SLC13A1: variants seen among roughly 807,000 people sequenced by gnomAD.
SLC13A1 encodes the protein solute carrier family 13 member 1, also known as Na(+)/sulfate cotransporter.
A neutral mutation model predicts 70.0 loss-of-function variants in SLC13A1; 65 were observed. That is an observed-to-expected ratio of 0.93 (90% CI 0.76 to 1.14). The LOEUF (loss-of-function observed/expected upper bound fraction) is 1.14, where lower values mean the gene tolerates loss of function less well. Among genes scored for constraint, SLC13A1 ranks in the 50% most tolerant of loss-of-function variants. The pLI is 0.00. For missense variants in SLC13A1, 726 were observed against 717.8 expected (o/e 1.01, Z -0.13); for synonymous variants, 275 against 250.5 (o/e 1.10, Z -0.92).
Position 123,117,556 on chromosome 7 carries a change from C to T in SLC13A1, c.1565G>A (p.Cys522Tyr). ...PLYILIPSTLCTSFAFLLPVA... is the reference protein window; with the variant it reads ...PLYILIPSTLYTSFAFLLPVA... ...TGGTAGGAGGAATGCAAATGAAGTACACAGAGTAGAAGGTATCAGAATATA... is the reference window on the plus strand; with the variant it reads ...TGGTAGGAGGAATGCAAATGAAGTATACAGAGTAGAAGGTATCAGAATATA... The change falls in exon 14 of 15, where the codon TGT (cysteine) becomes TAT (tyrosine). Residue 522 changes from cysteine (C) to tyrosine (Y), a missense_variant. Coordinates refer to ENST00000194130, the MANE Select transcript of SLC13A1 (RefSeq NM_022444.4). The T allele has an allele frequency of 1.2e-6, 2 of 1,611,426 alleles. No individual in the cohort carries two copies. Among genetic ancestry groups the T allele is most frequent in the Non-Finnish European group, 1.7e-6 (2 of 1,178,302 alleles).
At chr7:123,170,128 T>A (rs950293318) in intron 3 of SLC13A1, among the ~76,000 whole-genome samples, 7 of 152,126 alleles carry the variant, frequency 4.6e-5, no homozygotes, top group African/African-American at 1.7e-4. Flanking sequence ...CTCTTTTGAG[T>A]AGGCGGGCCT....
intron 1 of SLC13A1, among the ~76,000 whole-genome samples, chr7:123,185,550 A>G (rs931943758): frequency 1.3e-5 from 2 of 151,912 alleles, no homozygotes; most frequent in African/African-American, 4.8e-5. Flanking sequence ...TCCTTTTCCC[A>G]TTGTGTGTTC....
intron 1 of SLC13A1, among the ~76,000 whole-genome samples, chr7:123,182,401 C>G (rs901052224): frequency 6.6e-6 from 1 of 152,106 alleles, no homozygotes; most frequent in Non-Finnish European, 1.5e-5. Flanking sequence ...ATCTTGCTCT[C>G]TAGTTACAAC....
Position 123,115,617 on chromosome 7 carries a change from A to G in SLC13A1, c.1689T>C (p.Ala563=). The G allele has an allele frequency of 6.2e-7, 1 of 1,613,972 alleles. No homozygotes were observed. Among genetic ancestry groups the G allele is most frequent in the Non-Finnish European group, 8.5e-7 (1 of 1,179,848 alleles). Residue 563 remains alanine (A), a synonymous_variant, in exon 15 of 15, where the codon GCT becomes GCC. Transcript: ENST00000194130. ...AAGTACATATGCCAAGCATAACCAC[A>G]GCAACACCAACAATGTTGACACCAA... ...AGLGVNIVGV[A]VVMLGICTWI...
intron 1 of SLC13A1, among the ~76,000 whole-genome samples, chr7:123,185,258 T>C (rs1315071585): frequency 6.6e-6 from 1 of 152,144 alleles, no homozygotes; most frequent in Non-Finnish European, 1.5e-5. Context: ...TTGATTTTGT[T>C]TGCAGTGAAG....
At chr7:123,156,956 T>G (rs1050970975) in intron 6 of SLC13A1, among the ~76,000 whole-genome samples, 1 of 152,146 alleles carries the variant, frequency 6.6e-6, no homozygotes, top group East Asian at 1.9e-4. Context: ...GAAAATCAAT[T>G]TCTATGCTCT....
At chr7:123,178,033 C>CTCTCTCTCTCTCTCTCTCTATATATA (rs761704605) in intron 2 of SLC13A1, among the ~76,000 whole-genome samples, 12 of 149,950 alleles carry the variant, frequency 8.0e-5, no homozygotes, top group African/African-American at 3.0e-4. Flanking sequence ...CTCTCTCTCT[C>CTCTCTCTCTCTCTCTCTCTATATATA]TATATATATA....
rs535747605 is a variant in SLC13A1 at position 123,186,728 on chromosome 7, G to A, written c.100-5627C>T. 4.6e-5 allele frequency: 21 copies of A among 454,214 alleles called. No homozygotes were observed. The Middle Eastern group carries it at 1.3e-3, about 28-fold the overall frequency. 28.1% of individuals were successfully genotyped at this position (454,214 alleles called of 1,614,324 possible). ...TCTGCTGGAAGTTGCTGATACATCC[G>A]ATATCGTTATTACAACTTACTCTGC... On this transcript the variant is annotated intron_variant, in intron 1 of 14. Transcript: ENST00000194130.
rs149399605 is a variant in SLC13A1 at position 123,147,269 on chromosome 7, G to C, written c.702C>G (p.His234Gln). 24 of 1,613,410 alleles carry C rather than the reference G, an allele frequency of 1.5e-5. No individual in the cohort carries two copies. The South Asian group carries it at 2.5e-4, about 17-fold the overall frequency. Residue 234 changes from histidine (H) to glutamine (Q), a missense_variant, in exon 7 of 15, where the codon CAC (histidine) becomes CAG (glutamine). Transcript: ENST00000194130. ...MRTKYRTKKG[H>Q]VTRKLTCLCI... ...ACAAACACGTAAGTTTACGTGTCACGTGGCCCTTCTTTGTTCGATATTTGG... is the reference window on the plus strand; with the variant it reads ...ACAAACACGTAAGTTTACGTGTCACCTGGCCCTTCTTTGTTCGATATTTGG...
At chr7:123,133,437 A>T in intron 8 of SLC13A1, among the ~76,000 whole-genome samples, 1 of 150,838 alleles carries the variant, frequency 6.6e-6, no homozygotes. Context: ...CCCCTTTAAC[A>T]AGTTGGACAT....
At position 123,117,473 on chromosome 7, in the gene SLC13A1, T is replaced by G. The variant is rs1289426979; in HGVS notation, c.1648A>C (p.Met550Leu). Residue 550 changes from methionine (M) to leucine (L), a missense_variant and splice_region_variant, in exon 14 of 15, where the codon ATG becomes CTG. Physicochemically the swap from Met to Leu is conservative, Grantham distance 15. Transcript: ENST00000194130. ...FSYGHLKVID[M>L]VKAGLGVNIV... ...AGTATTTTTTTCAGCTAACTCACCA[T>G]GTCAATGACTTTCAGATGACCATAT... The G allele has an allele frequency of 6.2e-7, 1 of 1,613,008 alleles. No homozygotes were observed. Among genetic ancestry groups the G allele is most frequent in the Non-Finnish European group, 8.5e-7 (1 of 1,179,436 alleles).
At chr7:123,126,970 T>G (rs1318201105) in intron 10 of SLC13A1, among the ~76,000 whole-genome samples, 1 of 152,084 alleles carries the variant, frequency 6.6e-6, no homozygotes, top group Non-Finnish European at 1.5e-5. Context: ...TCTTAATGCC[T>G]GAAACTCTAC....
intron 12 of SLC13A1, among the ~76,000 whole-genome samples, chr7:123,122,283 G>A (rs1309505725): frequency 3.9e-5 from 6 of 152,104 alleles, no homozygotes; most frequent in Admixed American, 3.9e-4. Context: ...AAGCCAAAGG[G>A]CTGAACATGA....
At chr7:123,167,976 A>G (rs1424710428) in intron 6 of SLC13A1, among the ~76,000 whole-genome samples, 2 of 152,122 alleles carry the variant, frequency 1.3e-5, no homozygotes, top group African/African-American at 4.8e-5. Flanking sequence ...GAAATAATCT[A>G]TATATCAAAC....
At chr7:123,167,843 T>A (rs1370852145) in intron 6 of SLC13A1, among the ~76,000 whole-genome samples, 1 of 152,028 alleles carries the variant, frequency 6.6e-6, no homozygotes, top group Non-Finnish European at 1.5e-5. Flanking sequence ...TCCAAGTTCA[T>A]AACCTGGAAG....
At chr7:123,127,147 T>C (rs1193660204) in intron 10 of SLC13A1, among the ~76,000 whole-genome samples, 1 of 152,142 alleles carries the variant, frequency 6.6e-6, no homozygotes, top group Admixed American at 6.6e-5. Context: ...ACTATTAAGC[T>C]TATATAAATT....
At chr7:123,186,575 C>T in intron 1 of SLC13A1, 1 of 284,690 alleles carries the variant, frequency 3.5e-6, no homozygotes, top group South Asian at 3.1e-5. Flanking sequence ...AATTGTTTAC[C>T]ACCATTACAC....
chr7:123,147,087 T>A, intron 7 of SLC13A1, 72 bp downstream of exon 7: 2 of 1,460,428 alleles, frequency 1.4e-6, no homozygotes, highest in Non-Finnish European at 1.9e-6. Context: ...ATTCTCTGAA[T>A]CAGGTAAGAA....
At chr7:123,170,956 AT>A (rs11439544) in intron 3 of SLC13A1, among the ~76,000 whole-genome samples, 51 of 150,380 alleles carry the variant, frequency 3.4e-4, no homozygotes, top group South Asian at 1.1e-3. Context: ...CGTCTGAGTC[AT>A]TTTTTTTTTG....
Sources: allele counts gnomAD v4.1 joint callset (sites outside exome capture counted in the v4.1 genomes callset), GRCh38; gene constraint gnomAD v4.1.1; transcripts MANE v1.5; gene names NCBI Gene and HGNC (gene_info 2026-07-23, HGNC 2026-07-21).